KIF18A: variants seen among roughly 807,000 people sequenced by gnomAD.
KIF18A encodes the protein kinesin family member 18A.
A neutral mutation model predicts 103.3 loss-of-function variants in KIF18A; 67 were observed. The ratio of observed to expected loss-of-function variants is 0.65; its 90% CI spans 0.53 to 0.79. The LOEUF is 0.79. Ranked by LOEUF, KIF18A falls within the 30% of genes least tolerant of loss-of-function variation. The pLI is 0.00. For missense variants in KIF18A, 1,032 were observed against 1,062.5 expected (o/e 0.97, Z 0.40); for synonymous variants, 367 against 355.5 (o/e 1.03, Z -0.36).
chr11:28,068,344 G>A (rs891520183), intron 11 of KIF18A, among the ~76,000 whole-genome samples: 2 of 151,078 alleles, frequency 1.3e-5, no homozygotes, highest in Non-Finnish European at 2.9e-5. Flanking sequence ...CATAGATGAC[G>A]AGTTGATAGG....
Position 28,028,017 on chromosome 11 carries a change from C to A in KIF18A, c.2505-4167G>T, listed in dbSNP as rs370184238. The stretch of plus-strand genomic sequence containing the variant: ...TTCATCATGGCCAAGTGGGATTTAT[C>A]CCAGGGATGCAAGATGGTTCAACAT... On this transcript the variant is annotated intron_variant, in intron 15 of 16. Transcript: ENST00000263181. Among the ~76,000 whole-genome samples, 112 of 152,026 alleles carry A rather than the reference C, an allele frequency of 7.4e-4. 2 individuals are homozygous for A. In the East Asian group the frequency reaches 0.011, roughly 15 times the overall value.
chr11:28,032,834 A>G (rs1850428933), intron 15 of KIF18A, among the ~76,000 whole-genome samples: 1 of 151,890 alleles, frequency 6.6e-6, no homozygotes, highest in East Asian at 1.9e-4. Context: ...AATACCCTAC[A>G]CAGGGAACCA....
chr11:28,026,870 C>G (rs570030413), intron 15 of KIF18A, among the ~76,000 whole-genome samples: 1 of 151,834 alleles, frequency 6.6e-6, no homozygotes, highest in African/African-American at 2.4e-5. Flanking sequence ...TAGGCTCACT[C>G]ATAAAGTGAC....
Position 28,044,392 on chromosome 11 carries a change from T to C in KIF18A, c.1949-7728A>G, listed in dbSNP as rs559142093. Among the ~76,000 whole-genome samples the C allele has an allele frequency of 2.6e-5, 4 of 152,202 alleles. No homozygotes were observed. The South Asian group carries it at 8.3e-4, about 32-fold the overall frequency. On this transcript the variant is annotated intron_variant, in intron 13 of 16. Coordinates refer to ENST00000263181, the MANE Select transcript of KIF18A (RefSeq NM_031217.4). ...TGTAGGTTCCCCCAGATTGACTAGT[T>C]TTCTGGAGATAACTATAAATCAGAG...
intron 11 of KIF18A, among the ~76,000 whole-genome samples, chr11:28,065,314 C>A (rs1850904259): frequency 6.6e-6 from 1 of 151,900 alleles, no homozygotes; most frequent in African/African-American, 2.4e-5. Context: ...ATTTTCTCAG[C>A]TATTTTTTCA....
chr11:28,047,056 G>GAAAAAAAA (rs60204007), intron 13 of KIF18A, among the ~76,000 whole-genome samples: 1 of 71,122 alleles, frequency 1.4e-5, no homozygotes, highest in Non-Finnish European at 2.4e-5. Context: ...CTTCGTCTCA[G>GAAAAAAAA]AAAAAAAAAA....
At chr11:28,106,750 G>A (rs913216270) in intron 1 of KIF18A, among the ~76,000 whole-genome samples, 2 of 151,946 alleles carry the variant, frequency 1.3e-5, no homozygotes. Flanking sequence ...GCGGGCAGAT[G>A]GCTTGAGGTC....
chr11:28,103,638 G>C lies in KIF18A; in HGVS notation c.-47+4426C>G, dbSNP rs191588019. On this transcript the variant is annotated intron_variant, in intron 1 of 16. Coordinates refer to ENST00000263181, the MANE Select transcript of KIF18A (RefSeq NM_031217.4). ...TCCCTATTCTCTCATAGAGAGTCTAGTATATAGTAAATTTTCAAATATACC... is the reference window on the plus strand; with the variant it reads ...TCCCTATTCTCTCATAGAGAGTCTACTATATAGTAAATTTTCAAATATACC... Among the ~76,000 whole-genome samples the C allele has an allele frequency of 1.3e-3, 191 of 152,084 alleles. 2 individuals are homozygous for C. The East Asian group carries it at 0.03, about 24-fold the overall frequency.
intron 13 of KIF18A, among the ~76,000 whole-genome samples, chr11:28,046,195 T>C (rs908500529): frequency 5.9e-5 from 9 of 152,022 alleles, no homozygotes; most frequent in African/African-American, 2.2e-4. Context: ...CATTACTGGG[T>C]ATATATACCC....
intron 13 of KIF18A, among the ~76,000 whole-genome samples, chr11:28,047,890 A>C (rs1353542252): frequency 1.3e-5 from 2 of 152,168 alleles, no homozygotes; most frequent in Non-Finnish European, 2.9e-5. Flanking sequence ...GGTTACATAA[A>C]AATCAAAACC....
intron 3 of KIF18A, among the ~76,000 whole-genome samples, chr11:28,092,459 G>A (rs1218828439): frequency 1.3e-5 from 2 of 152,164 alleles, no homozygotes; most frequent in African/African-American, 4.8e-5. Flanking sequence ...GTAGGAACTG[G>A]AGCCTAGACA....
intron 12 of KIF18A, 72 bp from the exon 13 acceptor site, chr11:28,059,233 G>A: frequency 9.7e-7 from 1 of 1,027,620 alleles, no homozygotes; most frequent in Middle Eastern, 2.4e-4. Context: ...GTTCTTTTAT[G>A]TAACACCCAA....
Position 28,036,243 on chromosome 11 carries a change from T to A in KIF18A, c.2370A>T (p.Pro790=). The A allele has an allele frequency of 6.3e-7, 1 of 1,599,840 alleles. No homozygotes were observed. The highest frequency in any genetic ancestry group is 2.2e-5 in the East Asian group (1 of 44,644). Residue 790 remains proline, a synonymous_variant, in exon 14 of 17, where the codon CCA becomes CCT. Transcript: ENST00000263181. ...KCKLPEQESL[P]NDNKDILQRL... is the part of the protein sequence containing the mutation. ...GTTGTAAAATGTCTTTGTTATCATT[T>A]GGTAGTGATTCTTGTTCGGGTAATT...
At chr11:28,104,929 T>C (rs1396824001) in intron 1 of KIF18A, among the ~76,000 whole-genome samples, 1 of 152,196 alleles carries the variant, frequency 6.6e-6, no homozygotes, top group East Asian at 1.9e-4. Flanking sequence ...AAGGGAAATA[T>C]GAAGGTCTGA....
rs1450357181 is a variant in KIF18A, at chr11:28,029,679, G to C, written c.2504+5708C>G. Among the ~76,000 whole-genome samples the C allele has an allele frequency of 2.0e-5, 3 of 151,786 alleles. No individual in the cohort carries two copies. The East Asian group carries it at 5.8e-4, about 29-fold the overall frequency. On this transcript the variant is annotated intron_variant, in intron 15 of 16. Coordinates refer to ENST00000263181, the MANE Select transcript of KIF18A (RefSeq NM_031217.4). ...AATATAGTGTGGGAAGTTCTGGCCA[G>C]GGCAATGAGGCAAGAGAAGGAAATA...
chr11:28,084,480 T>C (rs1339391786), intron 7 of KIF18A, 152 bp downstream of exon 7: 1 of 396,128 alleles, frequency 2.5e-6, no homozygotes, highest in Non-Finnish European at 4.5e-6. Flanking sequence ...TCTAAATTAA[T>C]GTTCGACTAA....
chr11:28,102,135 C>A (rs1851453448), intron 1 of KIF18A, among the ~76,000 whole-genome samples: 1 of 152,136 alleles, frequency 6.6e-6, no homozygotes, highest in South Asian at 2.1e-4. Flanking sequence ...TTCCTCTTTT[C>A]TTTGCAGATC....
intron 1 of KIF18A, among the ~76,000 whole-genome samples, chr11:28,102,889 G>C (rs1851463955): frequency 6.6e-6 from 1 of 152,154 alleles, no homozygotes; most frequent in African/African-American, 2.4e-5. Flanking sequence ...AAAGAAATGA[G>C]CATTTAGTTG....
At chr11:28,046,620 G>A (rs934652582) in intron 13 of KIF18A, among the ~76,000 whole-genome samples, 8 of 136,718 alleles carry the variant, frequency 5.9e-5, no homozygotes, top group South Asian at 2.4e-4. Flanking sequence ...TGGGTGCAGC[G>A]CACCAGCATG....
Sources: gnomAD v4.1 joint callset for allele counts (sites outside exome capture counted in the v4.1 genomes callset) on GRCh38, gnomAD v4.1.1 for gene constraint, MANE v1.5 for transcripts, NCBI Gene and HGNC (gene_info 2026-07-23, HGNC 2026-07-21) for gene names.